RFX7: variants seen among roughly 807,000 people sequenced by gnomAD.
RFX7 encodes the protein regulatory factor X7.
In RFX7, 26 loss-of-function variants were observed where a neutral mutation model predicts 111.8. The observed-to-expected ratio is 0.23, with a 90% CI of 0.17 to 0.32. The LOEUF is 0.32. Ranked by LOEUF, RFX7 falls within the 10% of genes least tolerant of loss-of-function variation. The pLI is 1.00. For synonymous variants in RFX7, 624 were observed against 624.4 expected, an observed-to-expected ratio of 1.00 and a Z score of 0.01; for missense variants, 1,573 against 1,772.9, an observed-to-expected ratio of 0.89 and a Z score of 2.02.
chr15:56,115,514 G>C (rs1252286260), intron 5 of RFX7, among the ~76,000 whole-genome samples: 5 of 152,106 alleles, frequency 3.3e-5, no homozygotes, highest in Non-Finnish European at 5.9e-5. Flanking sequence ...AATTTGGATT[G>C]TTATTTTTAA....
At chr15:56,235,078 C>A (rs1354589706) in intron 2 of RFX7, among the ~76,000 whole-genome samples, 1 of 151,772 alleles carries the variant, frequency 6.6e-6, no homozygotes, top group African/African-American at 2.4e-5. Flanking sequence ...CCAGCACATA[C>A]GTAAGTAGAG....
intron 5 of RFX7, among the ~76,000 whole-genome samples, chr15:56,120,559 C>A (rs1034741982): frequency 4.6e-5 from 7 of 152,174 alleles, no homozygotes; most frequent in African/African-American, 1.7e-4. Flanking sequence ...GCATCCATGT[C>A]ATGTTCCAGA....
At chr15:56,193,897 T>TA (rs1268713116) in intron 2 of RFX7, among the ~76,000 whole-genome samples, 1 of 152,044 alleles carries the variant, frequency 6.6e-6, no homozygotes, top group African/African-American at 2.4e-5. Flanking sequence ...GTTTAAAAAT[T>TA]AAAAAAACTT....
intron 2 of RFX7, among the ~76,000 whole-genome samples, chr15:56,214,714 C>CAAAAAAA (rs527416979): frequency 2.3e-5 from 2 of 86,964 alleles, no homozygotes; most frequent in Admixed American, 1.2e-4. Context: ...GACTCTGTCT[C>CAAAAAAA]AAAAAAAAAA....
chr15:56,151,139 C>T (rs539957595), intron 3 of RFX7, among the ~76,000 whole-genome samples: 153 of 152,164 alleles, frequency 1.0e-3, no homozygotes, highest in Non-Finnish European at 1.7e-3. Context: ...AAACACTCTT[C>T]AGGATATTAT....
chr15:56,172,958 A>G (rs2042861790), intron 3 of RFX7, among the ~76,000 whole-genome samples: 1 of 152,216 alleles, frequency 6.6e-6, no homozygotes, highest in Non-Finnish European at 1.5e-5. Context: ...AAGTGTTTTC[A>G]GAAATTGGAC....
In RFX7 at chr15:56,089,626, A is replaced by G. The variant is rs944735554; in HGVS notation, c.*3719T>C. On this transcript the variant is annotated 3_prime_UTR_variant, in exon 10 of 10. Transcript: ENST00000559447. ...ATTTTACCCTTCCATGTCATTGAGC[A>G]CTGAGGATCCTAACATACTAATTTT... 6 of 152,118 alleles carry G rather than the reference A, an allele frequency of 3.9e-5. No individual in the cohort carries two copies. The highest frequency in any genetic ancestry group is 1.4e-4 in the African/African-American group (6 of 41,430). 9.4% of individuals were successfully genotyped at this position (152,118 alleles called of 1,614,324 possible).
At chr15:56,244,035 C>G (rs2043773159), upstream of RFX7, 2 of 150,984 alleles carry the variant, frequency 1.3e-5, no homozygotes, top group East Asian at 2.0e-4. Context: ...CGCTGGGGGC[C>G]GGGAGGAGTC....
At chr15:56,220,629 AGTTT>A (rs1264733942) in intron 2 of RFX7, among the ~76,000 whole-genome samples, 1 of 151,926 alleles carries the variant, frequency 6.6e-6, no homozygotes, top group Non-Finnish European at 1.5e-5. Flanking sequence ...CCCATTCTAT[AGTTT>A]GTCTGTTTAC....
chr15:56,148,202 A>G (rs1406512611), intron 3 of RFX7, among the ~76,000 whole-genome samples: 1 of 152,210 alleles, frequency 6.6e-6, no homozygotes, highest in African/African-American at 2.4e-5. Context: ...TTTGATTTAT[A>G]TGTCAAACAC....
intron 2 of RFX7, among the ~76,000 whole-genome samples, chr15:56,203,467 C>G (rs565038220): frequency 1.3e-5 from 2 of 152,288 alleles, no homozygotes; most frequent in East Asian, 3.9e-4. Flanking sequence ...ATGAAACTCT[C>G]AGAGATGTGT....
At chr15:56,229,118 A>G (rs1184745266) in intron 2 of RFX7, among the ~76,000 whole-genome samples, 3 of 152,150 alleles carry the variant, frequency 2.0e-5, no homozygotes, top group Non-Finnish European at 4.4e-5. Context: ...AAAACTCACA[A>G]ATTTTTTTTC....
At position 56,139,111 on chromosome 15, in the gene RFX7, G is replaced by C. The variant is rs536215365; in HGVS notation, c.401+3667C>G. 1.1e-4 allele frequency among the ~76,000 whole-genome samples: 16 copies of C among 152,018 alleles called. No individual in the cohort carries two copies. In the South Asian group the frequency reaches 3.1e-3, roughly 30 times the overall value. On this transcript the variant is annotated intron_variant, in intron 5 of 9. Coordinates refer to ENST00000559447, the MANE Select transcript of RFX7 (RefSeq NM_022841.7). Reference sequence around the variant, plus strand: ...TATGTGTCTTGGAGTTGCTCTTCTCGAGGAGTATCTTTATGGCGTTCTCTG... The same window carrying C: ...TATGTGTCTTGGAGTTGCTCTTCTCCAGGAGTATCTTTATGGCGTTCTCTG...
At chr15:56,220,554 T>C (rs1378744411) in intron 2 of RFX7, among the ~76,000 whole-genome samples, 5 of 151,956 alleles carry the variant, frequency 3.3e-5, no homozygotes, top group African/African-American at 1.2e-4. Context: ...TTCTGCTTAA[T>C]TTAAGTTCCT....
chr15:56,226,084 A>G (rs551538717), intron 2 of RFX7, among the ~76,000 whole-genome samples: 37 of 152,252 alleles, frequency 2.4e-4, no homozygotes, highest in Middle Eastern at 3.4e-3. Context: ...AGGAGCAACA[A>G]AAGACAGGGA....
intron 2 of RFX7, among the ~76,000 whole-genome samples, chr15:56,195,378 A>C (rs2043138122): frequency 6.6e-6 from 1 of 152,164 alleles, no homozygotes; most frequent in Non-Finnish European, 1.5e-5. Context: ...CATACACTTT[A>C]TGTGGTTAAT....
intron 2 of RFX7, among the ~76,000 whole-genome samples, chr15:56,228,636 G>A (rs955280397): frequency 3.3e-5 from 5 of 152,088 alleles, no homozygotes; most frequent in African/African-American, 7.2e-5. Flanking sequence ...TTAGTTTAGA[G>A]GAAAAGTGTA....
intron 2 of RFX7, among the ~76,000 whole-genome samples, chr15:56,195,609 G>A (rs1163648879): frequency 2.6e-5 from 4 of 152,056 alleles, no homozygotes; most frequent in Non-Finnish European, 5.9e-5. Flanking sequence ...ATTAACCAAA[G>A]ACCCGTGTTT....
At chr15:56,209,534 T>C (rs1014252447) in intron 2 of RFX7, among the ~76,000 whole-genome samples, 9 of 152,084 alleles carry the variant, frequency 5.9e-5, no homozygotes, top group African/African-American at 2.2e-4. Flanking sequence ...GTTTTAAATG[T>C]TTCTTATTTT....
Sources: allele counts gnomAD v4.1 joint callset (sites outside exome capture counted in the v4.1 genomes callset), GRCh38; gene constraint gnomAD v4.1.1; transcripts MANE v1.5; gene names NCBI Gene and HGNC (gene_info 2026-07-23, HGNC 2026-07-21).